The following ZNF521 variants were observed in gnomAD, a reference collection of about 807,000 sequenced individuals.
ZNF521 encodes LYST-interacting protein 3.
A neutral mutation model predicts 105.5 loss-of-function variants in ZNF521; 14 were observed. The ratio of observed to expected loss-of-function variants is 0.13; its 90% CI spans 0.09 to 0.21. The LOEUF (loss-of-function observed/expected upper bound fraction) is 0.21. Ranked by LOEUF, ZNF521 falls within the 10% of genes least tolerant of loss-of-function variation. The probability of loss-of-function intolerance (pLI) is 1.00; values close to 1 mark genes in which losing one functional copy is unlikely to be tolerated. For synonymous variants in ZNF521, 635 were observed against 606.0 expected (o/e 1.05, Z -0.70); for missense variants, 1,233 against 1,629.7 (o/e 0.76, Z 4.19).
At chr18:25,070,286 A>AGGACATTTTTGTTGTT (rs766115003) in intron 7 of ZNF521, among the ~76,000 whole-genome samples, 3 of 152,198 alleles carry the variant, frequency 2.0e-5, no homozygotes, top group Non-Finnish European at 1.5e-5. Context: ...ACCTCACTGA[A>AGGACATTTTTGTTGTT]GGACATTTTT....
chr18:25,292,250 G>A (rs534655776), intron 3 of ZNF521, among the ~76,000 whole-genome samples: 20 of 152,084 alleles, frequency 1.3e-4, no homozygotes, highest in African/African-American at 3.9e-4. Flanking sequence ...CTCAGATGTC[G>A]GATACTTTAT....
In ZNF521 at chr18:25,225,164, G is replaced by A. The variant is rs149662480; in HGVS notation, c.2754C>T (p.Ile918=). ...TAATGAGCTCAGCTTTCTTTTTCAC[G>A]ATGGCACTTTCTCCAGGTCTGATGT... ...DHNIRPGESA[I]VKKKAELIKG... is the part of the protein sequence containing the mutation. The change falls in exon 4 of 8, where the codon ATC becomes ATT. Residue 918 remains isoleucine, a synonymous_variant. Coordinates refer to ENST00000361524, the MANE Select transcript of ZNF521 (RefSeq NM_015461.3). The surrounding 1 kb of genome is among the most constrained non-coding windows in gnomAD (Gnocchi z 5.6). 2.8e-5 allele frequency: 45 copies of A among 1,614,054 alleles called. No homozygotes were observed. The highest frequency in any genetic ancestry group is 3.6e-5 in the Non-Finnish European group (43 of 1,180,014).
At chr18:25,190,059 G>A (rs915651536) in intron 5 of ZNF521, among the ~76,000 whole-genome samples, 2 of 152,114 alleles carry the variant, frequency 1.3e-5, no homozygotes, top group African/African-American at 4.8e-5. Context: ...TATGGTCCAT[G>A]TAGAAACCCT....
chr18:25,261,669 T>TTTTTATA (rs1908920204), intron 3 of ZNF521, among the ~76,000 whole-genome samples: 1 of 152,116 alleles, frequency 6.6e-6, no homozygotes. Flanking sequence ...GCTTTTTTTT[T>TTTTTATA]TAATTTTTAA....
At chr18:25,283,687 G>A (rs545362355) in intron 3 of ZNF521, among the ~76,000 whole-genome samples, 9 of 152,258 alleles carry the variant, frequency 5.9e-5, no homozygotes, top group East Asian at 5.8e-4. Context: ...GCTGGAAATC[G>A]TAAATTTGGG....
intron 5 of ZNF521, among the ~76,000 whole-genome samples, chr18:25,146,000 T>C (rs1206501979): frequency 6.6e-6 from 1 of 150,820 alleles, no homozygotes; most frequent in Non-Finnish European, 1.5e-5. Context: ...AAAGTCTTAA[T>C]TGTGTACCAG....
At chr18:25,092,110 G>A in intron 5 of ZNF521, 29 bp from the exon 6 acceptor site, 1 of 1,612,642 alleles carries the variant, frequency 6.2e-7, no homozygotes, top group Non-Finnish European at 8.5e-7. Context: ...GAAGAGAAAT[G>A]ATGAAAACCT....
intron 5 of ZNF521, among the ~76,000 whole-genome samples, chr18:25,170,802 G>T (rs2035436231): frequency 6.6e-6 from 1 of 152,146 alleles, no homozygotes; most frequent in Non-Finnish European, 1.5e-5. Flanking sequence ...TTCTCCCTTG[G>T]AGTTTCAAGG....
intron 3 of ZNF521, among the ~76,000 whole-genome samples, chr18:25,284,688 G>A (rs183066807): frequency 7.6e-4 from 116 of 152,110 alleles, no homozygotes; most frequent in Admixed American, 3.3e-3. Flanking sequence ...ACAGGCAGAT[G>A]TAATAAAAGA....
At chr18:25,156,186 T>A (rs144864937) in intron 5 of ZNF521, among the ~76,000 whole-genome samples, 2 of 152,338 alleles carry the variant, frequency 1.3e-5, no homozygotes, top group African/African-American at 4.8e-5. Context: ...TATTTTACTA[T>A]ATGTATTTAT....
At chr18:25,328,434 C>CA (rs1402116525) in intron 2 of ZNF521, among the ~76,000 whole-genome samples, 2 of 152,026 alleles carry the variant, frequency 1.3e-5, no homozygotes, top group African/African-American at 4.8e-5. Flanking sequence ...CACACACACA[C>CA]ACACACACAC....
At chr18:25,072,160 T>C (rs1161905584) in intron 7 of ZNF521, among the ~76,000 whole-genome samples, 2 of 152,206 alleles carry the variant, frequency 1.3e-5, no homozygotes, top group Non-Finnish European at 2.9e-5. Context: ...GCGGTTACCA[T>C]GTACCAAGAA....
chr18:25,219,831 T>C (rs1905580844), intron 4 of ZNF521, among the ~76,000 whole-genome samples: 1 of 151,986 alleles, frequency 6.6e-6, no homozygotes, highest in South Asian at 2.1e-4. Flanking sequence ...CAATAAATAA[T>C]AAAATAAAAT....
intron 5 of ZNF521, among the ~76,000 whole-genome samples, chr18:25,151,955 T>A (rs529440868): frequency 6.6e-6 from 1 of 152,284 alleles, no homozygotes; most frequent in African/African-American, 2.4e-5. Flanking sequence ...GATCTCTTGA[T>A]GCTGGCTTGA....
At chr18:25,215,601 G>A (rs2036266015) in intron 4 of ZNF521, among the ~76,000 whole-genome samples, 1 of 152,132 alleles carries the variant, frequency 6.6e-6, no homozygotes, top group Non-Finnish European at 1.5e-5. Flanking sequence ...GTTATTATGT[G>A]CAATCAGCAA....
At chr18:25,270,021 AAGAT>A (rs1220920070) in intron 3 of ZNF521, among the ~76,000 whole-genome samples, 1 of 152,136 alleles carries the variant, frequency 6.6e-6, no homozygotes, top group Non-Finnish European at 1.5e-5. Context: ...TCAACAAAAA[AAGAT>A]AGACCACTAC....
chr18:25,145,878 G>A (rs1257325092), intron 5 of ZNF521, among the ~76,000 whole-genome samples: 2 of 152,062 alleles, frequency 1.3e-5, no homozygotes, highest in Admixed American at 1.3e-4. Context: ...TCTGGAAAAC[G>A]CTATAGTTCC....
At chr18:25,297,761 T>C (rs1474510107) in intron 3 of ZNF521, among the ~76,000 whole-genome samples, 1 of 152,162 alleles carries the variant, frequency 6.6e-6, no homozygotes, top group Non-Finnish European at 1.5e-5. Context: ...AGTTATCAGA[T>C]AAAAACTCTG....
At chr18:25,116,460 A>C (rs2034304251) in intron 5 of ZNF521, among the ~76,000 whole-genome samples, 1 of 152,210 alleles carries the variant, frequency 6.6e-6, no homozygotes, top group African/African-American at 2.4e-5. Flanking sequence ...AACATGGTTT[A>C]AAATTATATT....
Sources: allele counts gnomAD v4.1 joint callset (sites outside exome capture counted in the v4.1 genomes callset), GRCh38; gene constraint gnomAD v4.1.1; non-coding constraint Gnocchi (gnomAD v3.1); transcripts MANE v1.5; gene names NCBI Gene and HGNC (gene_info 2026-07-23, HGNC 2026-07-21).